The following NRG1 variants were observed in gnomAD, a reference collection of about 807,000 sequenced individuals.
NRG1 encodes neuregulin 1, also known as pro-neuregulin-1, membrane-bound isoform.
A neutral mutation model predicts 63.8 loss-of-function variants in NRG1; 18 were observed. The observed-to-expected ratio is 0.28, with a 90% CI of 0.19 to 0.42. The LOEUF (loss-of-function observed/expected upper bound fraction) is 0.42. NRG1 is among the 10% of genes least tolerant of loss of function. The pLI is 1.00. For missense variants in NRG1, 762 were observed against 814.7 expected (o/e 0.94, Z 0.79); for synonymous variants, 302 against 301.3 (o/e 1.00, Z -0.02).
chr8:32,110,867 A>G (rs1831925141), intron 1 of NRG1, among the ~76,000 whole-genome samples: 1 of 152,176 alleles, frequency 6.6e-6, no homozygotes, highest in South Asian at 2.1e-4. Flanking sequence ...AACTTGCCTG[A>G]TTATACAAAA....
intron 1 of NRG1, among the ~76,000 whole-genome samples, chr8:32,065,476 A>G (rs1824622214): frequency 6.6e-6 from 1 of 152,096 alleles, no homozygotes. Flanking sequence ...TCCTTGTGAT[A>G]GTTTGCTGAG....
chr8:32,173,655 A>G (rs147009227), intron 1 of NRG1, among the ~76,000 whole-genome samples: 4,911 of 152,188 alleles, frequency 0.032, 199 homozygotes, highest in African/African-American at 0.1. Flanking sequence ...GATCTACCAA[A>G]CAAATGGAAA....
chr8:32,330,122 C>A, intron 1 of NRG1, among the ~76,000 whole-genome samples: 1 of 135,000 alleles, frequency 7.4e-6, no homozygotes, highest in Non-Finnish European at 1.6e-5. Flanking sequence ...TAATGTTGAA[C>A]TCCTGGCCCT....
At position 32,512,469 on chromosome 8, in the gene NRG1, C is replaced by T. The variant is rs1310788893; in HGVS notation, c.38-83359C>T. Among the ~76,000 whole-genome samples the T allele has an allele frequency of 3.3e-5, 5 of 152,188 alleles. 1 individual carries two copies. Among genetic ancestry groups the T allele is most frequent in the African/African-American group, 9.6e-5 (4 of 41,454 alleles). On this transcript the variant is annotated intron_variant, in intron 1 of 10. Transcript: ENST00000519301. Reference sequence around the variant, plus strand: ...TTATTACTACTTATACCTTTGTTAGCATTCCAAGAGGATCTGATAATCATA... The same window carrying T: ...TTATTACTACTTATACCTTTGTTAGTATTCCAAGAGGATCTGATAATCATA...
At chr8:31,680,496 T>G (rs1233347640) in intron 1 of NRG1, among the ~76,000 whole-genome samples, 1 of 151,778 alleles carries the variant, frequency 6.6e-6, no homozygotes, top group Non-Finnish European at 1.5e-5. Context: ...CTGCATAGTA[T>G]TCCATGGTGT....
chr8:31,728,946 G>A (rs557424799), intron 1 of NRG1, among the ~76,000 whole-genome samples: 19 of 152,184 alleles, frequency 1.2e-4, no homozygotes, highest in Non-Finnish European at 2.5e-4. Flanking sequence ...TGTTTTGTCT[G>A]TAAATTCCAT....
At chr8:31,942,055 G>A (rs1801832440) in intron 1 of NRG1, among the ~76,000 whole-genome samples, 1 of 151,738 alleles carries the variant, frequency 6.6e-6, no homozygotes, top group Admixed American at 6.6e-5. Context: ...AATTCATATG[G>A]AACAAAAAAA....
At chr8:32,523,085 A>T (rs1490891904) in intron 1 of NRG1, among the ~76,000 whole-genome samples, 1 of 152,210 alleles carries the variant, frequency 6.6e-6, no homozygotes, top group East Asian at 1.9e-4. Flanking sequence ...GATTACAGGC[A>T]TGAGTCCACG....
chr8:32,155,546 TAGTCA>T (rs1837966216), intron 1 of NRG1, among the ~76,000 whole-genome samples: 1 of 152,212 alleles, frequency 6.6e-6, no homozygotes, highest in South Asian at 2.1e-4. Context: ...GACTTTGGAT[TAGTCA>T]CTAAAGCTAG....
intron 11 of NRG1, chr8:32,760,977 C>A: frequency 1.0e-6 from 1 of 986,286 alleles, no homozygotes; most frequent in Non-Finnish European, 1.2e-6. Context: ...ATAAATAAAT[C>A]TCTTGGATGC....
At chr8:31,972,645 C>T (rs183741387) in intron 1 of NRG1, among the ~76,000 whole-genome samples, 22 of 152,264 alleles carry the variant, frequency 1.4e-4, no homozygotes, top group African/African-American at 5.3e-4. Context: ...CTTGGCCTTT[C>T]AACTCATCCT....
At chr8:32,382,056 A>G (rs1281659130) in intron 1 of NRG1, among the ~76,000 whole-genome samples, 1 of 152,182 alleles carries the variant, frequency 6.6e-6, no homozygotes, top group Non-Finnish European at 1.5e-5. Context: ...CAATAAATTC[A>G]CTATAAGTTC....
chr8:31,727,551 T>C (rs1225775936), intron 1 of NRG1, among the ~76,000 whole-genome samples: 1 of 152,152 alleles, frequency 6.6e-6, no homozygotes, highest in Non-Finnish European at 1.5e-5. Context: ...GGTCCTGATA[T>C]CCTCTTTCAA....
intron 1 of NRG1, among the ~76,000 whole-genome samples, chr8:32,415,886 G>A (rs1284114405): frequency 1.3e-5 from 2 of 152,150 alleles, no homozygotes; most frequent in Non-Finnish European, 2.9e-5. Flanking sequence ...CAGTCCCTTT[G>A]TACACAAACC....
At chr8:32,021,369 T>C (rs187773274) in intron 1 of NRG1, among the ~76,000 whole-genome samples, 1 of 152,300 alleles carries the variant, frequency 6.6e-6, no homozygotes, top group Admixed American at 6.5e-5. Context: ...GGGGAAAGTT[T>C]GCTAGGCATC....
At chr8:31,668,008 T>TG (rs555348148) in intron 1 of NRG1, among the ~76,000 whole-genome samples, 141 of 152,210 alleles carry the variant, frequency 9.3e-4, no homozygotes, top group Middle Eastern at 3.4e-3. Flanking sequence ...AATCAACACA[T>TG]GTCACATTAA....
At chr8:32,220,994 A>G (rs1248894666) in intron 1 of NRG1, 1 of 152,236 alleles carries the variant, frequency 6.6e-6, no homozygotes, top group Non-Finnish European at 1.5e-5. Flanking sequence ...TTTAAAAAAA[A>G]TGAGATTTAT....
At chr8:32,493,822 G>A (rs1046186247) in intron 1 of NRG1, among the ~76,000 whole-genome samples, 6 of 152,114 alleles carry the variant, frequency 3.9e-5, no homozygotes, top group Admixed American at 3.9e-4. Context: ...AGGATTTGAG[G>A]TTTGGGTTGG....
intron 1 of NRG1, among the ~76,000 whole-genome samples, chr8:31,999,945 T>C (rs1271989160): frequency 6.6e-6 from 1 of 151,930 alleles, no homozygotes; most frequent in African/African-American, 2.4e-5. Context: ...TTGAACTACA[T>C]GTATTATTTT....
Sources: gnomAD v4.1 joint callset for allele counts (sites outside exome capture counted in the v4.1 genomes callset) on GRCh38, gnomAD v4.1.1 for gene constraint, MANE v1.5 for transcripts, NCBI Gene and HGNC (gene_info 2026-07-23, HGNC 2026-07-21) for gene names.